NFIA: variants seen among roughly 807,000 people sequenced by gnomAD.
NFIA encodes the protein nuclear factor 1 A-type.
NFIA carries 8 observed loss-of-function variants against 62.8 expected under a neutral mutation model. That is an observed-to-expected ratio of 0.13 (90% CI 0.07 to 0.23). NFIA has a LOEUF of 0.23. NFIA is among the 10% of genes least tolerant of loss of function. NFIA has a pLI of 1.00. For synonymous variants in NFIA, 235 were observed against 238.1 expected (o/e 0.99, Z 0.12); for missense variants, 410 against 642.1 (o/e 0.64, Z 3.91).
rs34853369 is a variant in NFIA, at chr1:61,358,379, C to CTTT, written c.819-745_819-743dup. ...TCATTTTCTTTTCTTTTCTTTCTTT[C>CTTT]TTTTTTTTTTTTTTTTTTTTTTTTT... On this transcript the variant is annotated intron_variant, in intron 5 of 10. Coordinates refer to ENST00000403491, the MANE Select transcript of NFIA (RefSeq NM_001134673.4). Among the ~76,000 whole-genome samples, 107 of 52,592 alleles carry CTTT rather than the reference C, an allele frequency of 2.0e-3. 1 individual carries two copies. Among genetic ancestry groups the CTTT allele is most frequent in the East Asian group, 4.5e-3 (7 of 1,544 alleles). The allele number at this position is 52,592 out of a possible 152,430, so 34.5% of individuals were successfully genotyped here.
intron 6 of NFIA, among the ~76,000 whole-genome samples, chr1:61,362,265 G>T (rs1663338611): frequency 6.6e-6 from 1 of 152,064 alleles, no homozygotes; most frequent in Non-Finnish European, 1.5e-5. Context: ...GCTTTTAGTA[G>T]TTCACATGTA....
At chr1:61,082,890 G>A (rs1408014856) in intron 1 of NFIA, 72 bp downstream of exon 1, 8 of 1,415,372 alleles carry the variant, frequency 5.7e-6, no homozygotes, top group Admixed American at 2.7e-5. Context: ...TGGGTGGGGG[G>A]CACCGGGGCC....
intron 2 of NFIA, among the ~76,000 whole-genome samples, chr1:61,243,710 A>G (rs1487620608): frequency 6.6e-6 from 1 of 152,246 alleles, no homozygotes; most frequent in Non-Finnish European, 1.5e-5. Context: ...TGCCTGAAGC[A>G]TGACAAAATT....
intron 2 of NFIA, among the ~76,000 whole-genome samples, chr1:61,140,965 GTTTTTTTTTTT>G (rs35173386): frequency 1.1e-5 from 1 of 88,598 alleles, no homozygotes; most frequent in African/African-American, 4.4e-5. Flanking sequence ...CCACAGCTGG[GTTTTTTTTTTT>G]TTTTTTTTTT....
At chr1:61,233,098 TC>T (rs1654778045) in intron 2 of NFIA, among the ~76,000 whole-genome samples, 1 of 152,234 alleles carries the variant, frequency 6.6e-6, no homozygotes, top group Admixed American at 6.5e-5. Flanking sequence ...AAATGTTCTT[TC>T]TTTTTTCCCC....
chr1:61,172,321 G>T (rs1036901174), intron 2 of NFIA, among the ~76,000 whole-genome samples: 1 of 151,982 alleles, frequency 6.6e-6, no homozygotes, highest in Non-Finnish European at 1.5e-5. Context: ...AGATAATGTG[G>T]ATATGTGCTG....
intron 2 of NFIA, among the ~76,000 whole-genome samples, chr1:61,104,697 T>C (rs1040161665): frequency 1.3e-5 from 2 of 152,068 alleles, no homozygotes; most frequent in African/African-American, 2.4e-5. Context: ...CCTGTTTTCA[T>C]ATCTAAAAGC....
At chr1:61,319,790 AACACACACACACACACAC>A (rs58845526) in intron 3 of NFIA, among the ~76,000 whole-genome samples, 17 of 139,520 alleles carry the variant, frequency 1.2e-4, no homozygotes, top group Non-Finnish European at 1.7e-4. Flanking sequence ...GGAAGAATTA[AACACACACACACACACAC>A]ACACACACAC....
intron 2 of NFIA, among the ~76,000 whole-genome samples, chr1:61,157,106 T>C (rs1648873719): frequency 6.6e-6 from 1 of 152,238 alleles, no homozygotes; most frequent in South Asian, 2.1e-4. Flanking sequence ...TTTTTCCTAG[T>C]GATAGTTTTC....
intron 3 of NFIA, among the ~76,000 whole-genome samples, chr1:61,312,434 G>T (rs1660167232): frequency 6.6e-6 from 1 of 151,966 alleles, no homozygotes; most frequent in Non-Finnish European, 1.5e-5. Flanking sequence ...CTCCTAAATT[G>T]TGGTTTTTAG....
chr1:61,460,670 T>C lies in NFIA; in HGVS notation c.*5350T>C, dbSNP rs1348073203. The C allele has an allele frequency of 6.6e-6, 1 of 152,264 alleles. No individual in the cohort carries two copies. Among genetic ancestry groups the C allele is most frequent in the Non-Finnish European group, 1.5e-5 (1 of 68,046 alleles). 9.4% of individuals were successfully genotyped at this position (152,264 alleles called of 1,614,324 possible). A position where few individuals can be genotyped will look rare whatever the true frequency, so the allele number is the denominator to read the frequency against. Reference sequence around the variant, plus strand: ...AAGAAAACCAGCATAATACCTGATATATTAAAATGTAGTGCCTGTGAAATC... The same window carrying C: ...AAGAAAACCAGCATAATACCTGATACATTAAAATGTAGTGCCTGTGAAATC... On this transcript the variant is annotated 3_prime_UTR_variant, in exon 11 of 11. Transcript: ENST00000403491.
intron 2 of NFIA, among the ~76,000 whole-genome samples, chr1:61,104,762 T>A (rs1182145763): frequency 6.6e-6 from 1 of 151,976 alleles, no homozygotes; most frequent in Non-Finnish European, 1.5e-5. Flanking sequence ...TATATATTTC[T>A]TTTTTTAAAA....
intron 6 of NFIA, among the ~76,000 whole-genome samples, chr1:61,372,573 TGTTA>T (rs372916358): frequency 0.022 from 3,033 of 137,036 alleles, 85 homozygotes; most frequent in African/African-American, 0.071. Flanking sequence ...ATGTCATTGT[TGTTA>T]AAAAAAAAAA....
intron 9 of NFIA, among the ~76,000 whole-genome samples, chr1:61,424,341 A>ACC (rs61586886): frequency 1.3e-4 from 19 of 147,160 alleles, no homozygotes; most frequent in East Asian, 1.2e-3. Context: ...AAAAAATGAC[A>ACC]CCCCCCCCTC....
intron 2 of NFIA, among the ~76,000 whole-genome samples, chr1:61,118,184 C>T (rs1160712659): frequency 6.1e-5 from 4 of 65,892 alleles, no homozygotes; most frequent in Non-Finnish European, 1.3e-4. Context: ...GACTCTGTCT[C>T]AAAGAACAAA....
intron 2 of NFIA, among the ~76,000 whole-genome samples, chr1:61,095,000 A>G (rs995217073): frequency 6.6e-6 from 1 of 152,194 alleles, no homozygotes; most frequent in Non-Finnish European, 1.5e-5. Flanking sequence ...AAAGAAGTTC[A>G]TTTGTATTGT....
At position 61,426,465 on chromosome 1, in the gene NFIA, C is replaced by G; in HGVS notation, c.1421C>G (p.Thr474Ser). The change falls in exon 10 of 11, where the codon ACC (threonine) becomes AGC (serine). Residue 474 changes from threonine (T) to serine (S), a missense_variant and splice_region_variant. By Grantham distance (58) the Thr-to-Ser change is moderately conservative. This residue lies in a region of NFIA where 298 missense variants were observed against 438.1 expected (regional missense o/e 0.68). Coordinates refer to ENST00000403491, the MANE Select transcript of NFIA (RefSeq NM_001134673.4). ...ACGCATGTGTCCCTTCCCTTCACAG[C>G]CTACTCGACACCCAGCACCTCCCCC... is the stretch of plus-strand genomic sequence containing the variant. The part of the protein sequence containing the change: ...EGGAASPTSP[T>S]YSTPSTSPAN... 6.4e-7 allele frequency: 1 copy of G among 1,551,254 alleles called. No homozygotes were observed. Among genetic ancestry groups the G allele is most frequent in the Non-Finnish European group, 8.7e-7 (1 of 1,146,430 alleles).
In NFIA at chr1:61,213,715, G is replaced by C. The variant is rs139503890; in HGVS notation, c.560-63805G>C. Among the ~76,000 whole-genome samples the C allele has an allele frequency of 6.6e-5, 10 of 152,254 alleles. No homozygotes were observed. The East Asian group carries it at 1.5e-3, about 24-fold the overall frequency. ...TTTCATAAAGCGGTACTAAAAATCT[G>C]CTTTTCTCCCTAGCATTTACCAACA... is the stretch of plus-strand genomic sequence containing the variant. On this transcript the variant is annotated intron_variant, in intron 2 of 10. Transcript: ENST00000403491.
chr1:61,262,769 G>C (rs1187171380), intron 2 of NFIA, among the ~76,000 whole-genome samples: 3 of 152,172 alleles, frequency 2.0e-5, no homozygotes, highest in African/African-American at 4.8e-5. Context: ...TTGTCTCAAA[G>C]TTACTAAATG....
Sources: gnomAD v4.1 joint callset for allele counts (sites outside exome capture counted in the v4.1 genomes callset) on GRCh38, gnomAD v4.1.1 for gene constraint, gnomAD v4.1.1 regional missense constraint, MANE v1.5 for transcripts, NCBI Gene and HGNC (gene_info 2026-07-23, HGNC 2026-07-21) for gene names.